Variants in FRMD4B observed in about 807,000 individuals in gnomAD.
FRMD4B encodes the protein FERM domain-containing protein 4B.
A neutral mutation model predicts 141.5 loss-of-function variants in FRMD4B; 74 were observed. The observed-to-expected ratio is 0.52, with a 90% CI of 0.43 to 0.63. FRMD4B has a LOEUF of 0.63. FRMD4B is among the 30% of genes least tolerant of loss of function. The pLI is 0.00. For synonymous variants in FRMD4B, 506 were observed against 467.9 expected, an observed-to-expected ratio of 1.08 and a Z score of -1.05; for missense variants, 1,366 against 1,253.4, an observed-to-expected ratio of 1.09 and a Z score of -1.36.
At chr3:69,538,143 T>C (rs566827105) in intron 1 of FRMD4B, among the ~76,000 whole-genome samples, 10 of 152,142 alleles carry the variant, frequency 6.6e-5, no homozygotes, top group African/African-American at 1.9e-4. Flanking sequence ...GGTCGTCTTG[T>C]CACCCAAGAA....
chr3:69,300,455 C>T (rs965743040), intron 4 of FRMD4B, among the ~76,000 whole-genome samples: 30 of 152,288 alleles, frequency 2.0e-4, no homozygotes, highest in African/African-American at 6.5e-4. Flanking sequence ...CAGCAGGCCA[C>T]TCTGGAATTT....
At chr3:69,393,774 A>G (rs1347061212) in intron 2 of FRMD4B, among the ~76,000 whole-genome samples, 1 of 152,232 alleles carries the variant, frequency 6.6e-6, no homozygotes, top group Non-Finnish European at 1.5e-5. Context: ...AAATAAATAA[A>G]GGCAGCTTTG....
At chr3:69,208,974 T>C (rs1374619433) in intron 11 of FRMD4B, among the ~76,000 whole-genome samples, 1 of 152,044 alleles carries the variant, frequency 6.6e-6, no homozygotes, top group African/African-American at 2.4e-5. Flanking sequence ...TGAAACCCCA[T>C]CTCTACTACA....
chr3:69,269,277 A>G (rs1451408602), intron 5 of FRMD4B, among the ~76,000 whole-genome samples: 5 of 151,888 alleles, frequency 3.3e-5, no homozygotes, highest in Non-Finnish European at 5.9e-5. Flanking sequence ...GAATAATATC[A>G]TCAATAACTA....
At chr3:69,206,352 AAAAAC>A (rs1011728801) in intron 11 of FRMD4B, among the ~76,000 whole-genome samples, 4 of 152,184 alleles carry the variant, frequency 2.6e-5, no homozygotes, top group South Asian at 2.1e-4. Context: ...TCCATCTCAA[AAAAAC>A]AAAACAAAAC....
chr3:69,426,321 CGTGTGTGTGT>C (rs55653336), intron 2 of FRMD4B, among the ~76,000 whole-genome samples: 3 of 149,720 alleles, frequency 2.0e-5, no homozygotes, highest in Non-Finnish European at 1.5e-5. Context: ...CTTTTAAAAG[CGTGTGTGTGT>C]GTGTGTGTGT....
intron 2 of FRMD4B, 69 bp downstream of exon 2, chr3:69,313,383 T>A (rs1701670520): frequency 1.3e-5 from 12 of 947,370 alleles, no homozygotes; most frequent in Non-Finnish European, 2.0e-5. Flanking sequence ...CAGGATGAGC[T>A]GTCCCCGTGA....
intron 1 of FRMD4B, among the ~76,000 whole-genome samples, chr3:69,345,204 C>G (rs149166694): frequency 3.9e-5 from 6 of 152,228 alleles, no homozygotes; most frequent in East Asian, 1.9e-4. Flanking sequence ...GCACCTGACT[C>G]GGAGGGTCCC....
intron 1 of FRMD4B, among the ~76,000 whole-genome samples, chr3:69,468,372 C>G (rs1337382161): frequency 6.6e-6 from 1 of 151,958 alleles, no homozygotes; most frequent in East Asian, 1.9e-4. Context: ...GGTGGCCTAC[C>G]CATCACTCAT....
intron 2 of FRMD4B, among the ~76,000 whole-genome samples, chr3:69,421,271 G>A (rs778677227): frequency 6.6e-6 from 1 of 152,168 alleles, no homozygotes; most frequent in African/African-American, 2.4e-5. Flanking sequence ...ATTAATTACC[G>A]GATGACTTTG....
chr3:69,479,826 C>T lies in FRMD4B; in HGVS notation c.-128-47065G>A, dbSNP rs115439289. Reference sequence around the variant, plus strand: ...TTTTCCAACTTGGTTCCATTCACCCCGTTACTTTCAGGTACAGCAATCTGA... The same window carrying T: ...TTTTCCAACTTGGTTCCATTCACCCTGTTACTTTCAGGTACAGCAATCTGA... On this transcript the variant is annotated intron_variant, in intron 1 of 5. Transcript: ENST00000459638. Among the ~76,000 whole-genome samples, 1,307 of 152,310 alleles carry T rather than the reference C, an allele frequency of 8.6e-3. 9 individuals are homozygous for T. The highest frequency in any genetic ancestry group is 0.013 in the Non-Finnish European group (890 of 68,026).
chr3:69,321,500 A>AAC (rs1318097912), intron 1 of FRMD4B, among the ~76,000 whole-genome samples: 9 of 152,114 alleles, frequency 5.9e-5, no homozygotes, highest in African/African-American at 2.2e-4. Context: ...GAAGGGTGAA[A>AAC]ACCCAGCTAT....
At chr3:69,361,398 C>T (rs947611411) in intron 1 of FRMD4B, among the ~76,000 whole-genome samples, 1 of 152,134 alleles carries the variant, frequency 6.6e-6, no homozygotes, top group African/African-American at 2.4e-5. Context: ...TAGAAAATTA[C>T]ACTATAAATG....
chr3:69,315,180 T>C (rs929698395), intron 1 of FRMD4B, among the ~76,000 whole-genome samples: 1 of 152,220 alleles, frequency 6.6e-6, no homozygotes, highest in Non-Finnish European at 1.5e-5. Context: ...TTCAATTATA[T>C]TTAGTTTTTT....
At chr3:69,356,477 A>C (rs541690066) in intron 1 of FRMD4B, among the ~76,000 whole-genome samples, 2 of 151,710 alleles carry the variant, frequency 1.3e-5, no homozygotes, top group South Asian at 4.2e-4. Flanking sequence ...CAGTTTGGGG[A>C]CTCGGACTGG....
chr3:69,438,016 T>C (rs1705287952), intron 1 of FRMD4B, among the ~76,000 whole-genome samples: 2 of 137,600 alleles, frequency 1.5e-5, no homozygotes, highest in Non-Finnish European at 1.5e-5. Flanking sequence ...CTGTTATATA[T>C]ACTACTATAT....
intron 1 of FRMD4B, among the ~76,000 whole-genome samples, chr3:69,521,931 T>C (rs545584629): frequency 6.6e-6 from 1 of 152,346 alleles, no homozygotes; most frequent in East Asian, 1.9e-4. Context: ...ATGGTCCTCA[T>C]GGTCACACAC....
At chr3:69,259,857 T>C (rs2093514920) in intron 5 of FRMD4B, among the ~76,000 whole-genome samples, 1 of 152,172 alleles carries the variant, frequency 6.6e-6, no homozygotes, top group Non-Finnish European at 1.5e-5. Context: ...AGTGGTGCAA[T>C]CACTACTTAC....
intron 7 of FRMD4B, among the ~76,000 whole-genome samples, chr3:69,246,402 C>A (rs2093426146): frequency 6.6e-6 from 1 of 152,100 alleles, no homozygotes; most frequent in Non-Finnish European, 1.5e-5. Context: ...TTATAGTGAA[C>A]TAAGATCATG....
Sources: allele counts gnomAD v4.1 joint callset (sites outside exome capture counted in the v4.1 genomes callset), GRCh38; gene constraint gnomAD v4.1.1; transcripts MANE v1.5; gene names NCBI Gene and HGNC (gene_info 2026-07-23, HGNC 2026-07-21).